The following LRP1B variants were observed in gnomAD, a reference collection of about 807,000 sequenced individuals.
LRP1B encodes the protein LDL receptor related protein 1B.
LRP1B carries 217 observed loss-of-function variants against 556.6 expected under a neutral mutation model. The ratio of observed to expected loss-of-function variants is 0.39; its 90% CI spans 0.35 to 0.44. LRP1B has a LOEUF of 0.44. Ranked by LOEUF, LRP1B falls within the 20% of genes least tolerant of loss-of-function variation. The probability of loss-of-function intolerance (pLI) is 1.00; values close to 1 mark genes in which losing one functional copy is unlikely to be tolerated. For missense variants in LRP1B, 5,053 were observed against 5,620.8 expected, an observed-to-expected ratio of 0.90 and a Z score of 3.23; for synonymous variants, 2,047 against 1,865.8, an observed-to-expected ratio of 1.10 and a Z score of -2.50.
intron 7 of LRP1B, among the ~76,000 whole-genome samples, chr2:141,071,778 C>G (rs1051878845): frequency 1.1e-4 from 16 of 152,106 alleles, no homozygotes; most frequent in Non-Finnish European, 2.4e-4. Context: ...AATAAAATAC[C>G]TAGGAATCTA....
intron 3 of LRP1B, among the ~76,000 whole-genome samples, chr2:141,439,372 A>G (rs67851039): frequency 6.6e-6 from 1 of 151,784 alleles, no homozygotes; most frequent in African/African-American, 2.4e-5. Flanking sequence ...GAATTTTTTT[A>G]CAATTATGTC....
intron 18 of LRP1B, among the ~76,000 whole-genome samples, chr2:140,980,539 C>T (rs181517969): frequency 1.3e-5 from 2 of 152,312 alleles, no homozygotes; most frequent in Admixed American, 6.5e-5. Flanking sequence ...ATTACCACCA[C>T]TTACTTTATC....
intron 1 of LRP1B, among the ~76,000 whole-genome samples, chr2:142,044,222 A>G (rs570488938): frequency 6.6e-6 from 1 of 151,884 alleles, no homozygotes; most frequent in East Asian, 1.9e-4. Flanking sequence ...TTGTGCATTA[A>G]AGGAAAAAGG....
rs544457817 is a variant in LRP1B, at chr2:140,437,586, T to G, written c.10414+4918A>C. 5.3e-5 allele frequency among the ~76,000 whole-genome samples: 8 copies of G among 152,336 alleles called. No homozygotes were observed. In the South Asian group the frequency reaches 1.7e-3, roughly 32 times the overall value. On this transcript the variant is annotated intron_variant, in intron 66 of 90. Transcript: ENST00000389484. ...TTCCAAGATACAAAATTTAAGTACA[T>G]TATCTTTACTGTATATAAAAGCACA...
At chr2:140,900,631 A>G (rs1694077264) in intron 23 of LRP1B, among the ~76,000 whole-genome samples, 2 of 152,182 alleles carry the variant, frequency 1.3e-5, no homozygotes, top group Non-Finnish European at 2.9e-5. Context: ...ACTGCATATT[A>G]TTTTCCCAGA....
chr2:141,466,078 G>A (rs1682183608), intron 3 of LRP1B, among the ~76,000 whole-genome samples: 1 of 150,848 alleles, frequency 6.6e-6, no homozygotes, highest in African/African-American at 2.4e-5. Flanking sequence ...TGGTAGAGAT[G>A]GGGTTTCACC....
At chr2:141,734,410 T>A (rs1473928519) in intron 2 of LRP1B, among the ~76,000 whole-genome samples, 2 of 151,974 alleles carry the variant, frequency 1.3e-5, no homozygotes, top group Non-Finnish European at 2.9e-5. Context: ...TCTCTTTCCA[T>A]ATAAATAATA....
intron 3 of LRP1B, among the ~76,000 whole-genome samples, chr2:141,346,916 T>G (rs898929220): frequency 1.3e-5 from 2 of 152,180 alleles, no homozygotes; most frequent in Non-Finnish European, 2.9e-5. Context: ...CACATTCTTG[T>G]GGTTTTACTT....
intron 76 of LRP1B, among the ~76,000 whole-genome samples, chr2:140,352,500 TATTGGTA>T (rs1473290658): frequency 6.6e-6 from 1 of 152,184 alleles, no homozygotes; most frequent in East Asian, 1.9e-4. Flanking sequence ...TAAAAAATAA[TATTGGTA>T]AGTGGAGGAC....
intron 3 of LRP1B, among the ~76,000 whole-genome samples, chr2:141,278,358 G>A (rs1286206510): frequency 1.3e-5 from 2 of 152,070 alleles, no homozygotes; most frequent in African/African-American, 4.8e-5. Flanking sequence ...AGTATAAATA[G>A]TATATAATAG....
At chr2:141,138,513 G>T (rs1049955419) in intron 7 of LRP1B, among the ~76,000 whole-genome samples, 3 of 151,104 alleles carry the variant, frequency 2.0e-5, no homozygotes, top group Non-Finnish European at 4.4e-5. Context: ...AAATTGAATG[G>T]AATCTACTAA....
In LRP1B at chr2:141,252,076, T is replaced by C. The variant is rs181210552; in HGVS notation, c.463+2446A>G. ...TGGGTGTATAAATGCCTGAGTTCCC[T>C]TGTCTCTCATGCTAGAGAGCTGTGC... On this transcript the variant is annotated intron_variant, in intron 4 of 90. Transcript: ENST00000389484. Among the ~76,000 whole-genome samples the C allele has an allele frequency of 2.7e-3, 411 of 152,154 alleles. 2 individuals carry two copies. Among genetic ancestry groups the C allele is most frequent in the African/African-American group, 9.3e-3 (387 of 41,508 alleles).
At chr2:141,190,060 G>A (rs899181644) in intron 6 of LRP1B, among the ~76,000 whole-genome samples, 3 of 152,130 alleles carry the variant, frequency 2.0e-5, no homozygotes, top group East Asian at 1.9e-4. Flanking sequence ...AACACACCAC[G>A]TCTTTTGCTG....
At chr2:141,858,502 T>C (rs902647457) in intron 1 of LRP1B, among the ~76,000 whole-genome samples, 6 of 152,136 alleles carry the variant, frequency 3.9e-5, no homozygotes, top group African/African-American at 1.2e-4. Context: ...GATCCAGATA[T>C]AGAGTTGGAT....
rs201186602 is a variant in LRP1B at position 140,665,994 on chromosome 2, A to ATT, written c.6799+34254_6799+34255dup. 1.5e-4 allele frequency among the ~76,000 whole-genome samples: 22 copies of ATT among 144,294 alleles called. No individual in the cohort carries two copies. The East Asian group carries it at 3.6e-3, about 24-fold the overall frequency. 94.7% of individuals were successfully genotyped at this position (144,294 alleles called of 152,430 possible). The stretch of plus-strand genomic sequence containing the variant: ...ACTTCAGTGGAGTAAAAAAAAAAAA[A>ATT]TTTTTTTTTTTTTTCCTGAGACGGA... On this transcript the variant is annotated intron_variant, in intron 41 of 90. Transcript: ENST00000389484.
At chr2:141,009,215 A>G (rs1697668704) in intron 14 of LRP1B, among the ~76,000 whole-genome samples, 1 of 151,544 alleles carries the variant, frequency 6.6e-6, no homozygotes, top group African/African-American at 2.4e-5. Context: ...ACTAACATAG[A>G]GATACTCGAG....
Position 140,495,514 on chromosome 2 carries a change from G to A in LRP1B, c.9034+51C>T, listed in dbSNP as rs76748667. On this transcript the variant is annotated intron_variant, in intron 56 of 90. Coordinates refer to ENST00000389484, the MANE Select transcript of LRP1B (RefSeq NM_018557.3). ...CAATAAGAACGGCTATAAAATTCAG[G>A]ATCCATATGTATAACTGAGGTTGGA... 3.3e-4 allele frequency: 495 copies of A among 1,490,634 alleles called. 2 individuals carry two copies. The African/African-American group carries it at 5.8e-3, about 18-fold the overall frequency. The allele number at this position is 1,490,634 out of a possible 1,614,324, so 92.3% of individuals were successfully genotyped here.
At position 141,129,499 on chromosome 2, in the gene LRP1B, T is replaced by C. The variant is rs187633810; in HGVS notation, c.1013+58922A>G. 4.0e-5 allele frequency among the ~76,000 whole-genome samples: 6 copies of C among 151,520 alleles called. No homozygotes were observed. In the East Asian group the frequency reaches 7.8e-4, roughly 20 times the overall value. On this transcript the variant is annotated intron_variant, in intron 7 of 90. Coordinates refer to ENST00000389484, the MANE Select transcript of LRP1B (RefSeq NM_018557.3). ...AGTGCAGAGTAGGAGCAATCCATTA[T>C]ACTGCAAGCATTCATATTAAACTAA...
chr2:140,850,062 A>G, intron 29 of LRP1B, 40 bp downstream of exon 29: 3 of 1,268,230 alleles, frequency 2.4e-6, no homozygotes, highest in Non-Finnish European at 3.4e-6. Flanking sequence ...AAACTGAATA[A>G]CAAACACTTT....
Sources: allele counts gnomAD v4.1 joint callset (sites outside exome capture counted in the v4.1 genomes callset), GRCh38; gene constraint gnomAD v4.1.1; transcripts MANE v1.5; gene names NCBI Gene and HGNC (gene_info 2026-07-23, HGNC 2026-07-21).